CHST11: variants seen among roughly 807,000 people sequenced by gnomAD.
CHST11 encodes the protein C4S-1.
A neutral mutation model predicts 30.4 loss-of-function variants in CHST11; 9 were observed. That is an observed-to-expected ratio of 0.30 (90% CI 0.18 to 0.52). CHST11 has a LOEUF of 0.52. CHST11 is among the 20% of genes least tolerant of loss of function. The pLI is 0.97. For synonymous variants in CHST11, 152 were observed against 187.8 expected (o/e 0.81, Z 1.56); for missense variants, 348 against 460.6 (o/e 0.76, Z 2.24).
At chr12:104,611,609 C>T (rs1174964709) in intron 2 of CHST11, among the ~76,000 whole-genome samples, 1 of 152,164 alleles carries the variant, frequency 6.6e-6, no homozygotes, top group African/African-American at 2.4e-5. Flanking sequence ...CCTCATGTGA[C>T]TTCAGCATGG....
At chr12:104,483,073 C>G (rs1173748313) in intron 1 of CHST11, among the ~76,000 whole-genome samples, 1 of 152,126 alleles carries the variant, frequency 6.6e-6, no homozygotes. Context: ...ACCCACATGC[C>G]TCCTGGTGCA....
chr12:104,610,108 G>A (rs1325260003), intron 2 of CHST11, among the ~76,000 whole-genome samples: 3 of 148,408 alleles, frequency 2.0e-5, no homozygotes, highest in Non-Finnish European at 4.5e-5. Flanking sequence ...TGTGGTATGT[G>A]TTACATATAT....
At chr12:104,697,830 ACTTTT>A (rs1267605405) in intron 2 of CHST11, among the ~76,000 whole-genome samples, 2 of 152,330 alleles carry the variant, frequency 1.3e-5, no homozygotes, top group East Asian at 3.9e-4. Context: ...ACTCAGGAGC[ACTTTT>A]CTTTTCTTTT....
intron 2 of CHST11, among the ~76,000 whole-genome samples, chr12:104,635,086 C>G (rs2039310890): frequency 1.3e-5 from 1 of 76,158 alleles, no homozygotes; most frequent in African/African-American, 3.3e-5. Context: ...GAGTCCTGTC[C>G]TGCCCCCGTA....
At chr12:104,684,972 G>A (rs1305495240) in intron 2 of CHST11, among the ~76,000 whole-genome samples, 3 of 152,202 alleles carry the variant, frequency 2.0e-5, no homozygotes, top group Admixed American at 6.5e-5. Context: ...TGATTAAAGT[G>A]CAAGAGTAAG....
intron 1 of CHST11, among the ~76,000 whole-genome samples, chr12:104,592,818 A>G (rs921696673): frequency 6.6e-6 from 1 of 152,154 alleles, no homozygotes; most frequent in Non-Finnish European, 1.5e-5. Context: ...CAGGGATCTT[A>G]TACTTTCGGA....
intron 1 of CHST11, among the ~76,000 whole-genome samples, chr12:104,579,741 G>A (rs571987182): frequency 2.0e-5 from 3 of 152,300 alleles, no homozygotes; most frequent in Admixed American, 6.5e-5. Flanking sequence ...TCTGTTGCCC[G>A]CTCTAATTGT....
At chr12:104,539,088 T>A (rs2038264758) in intron 1 of CHST11, among the ~76,000 whole-genome samples, 1 of 152,210 alleles carries the variant, frequency 6.6e-6, no homozygotes, top group African/African-American at 2.4e-5. Context: ...GCAATAGGAT[T>A]TTGAAAGCAA....
chr12:104,614,067 CTA>C (rs775288618), intron 2 of CHST11, among the ~76,000 whole-genome samples: 7 of 152,160 alleles, frequency 4.6e-5, no homozygotes, highest in Non-Finnish European at 1.0e-4. Context: ...AAAATGATAA[CTA>C]TGTGAGGTGA....
At chr12:104,693,841 A>C (rs1396933758) in intron 2 of CHST11, among the ~76,000 whole-genome samples, 2 of 152,192 alleles carry the variant, frequency 1.3e-5, no homozygotes, top group African/African-American at 4.8e-5. Flanking sequence ...GGGCTCGGGC[A>C]CACCCCTACT....
intron 1 of CHST11, among the ~76,000 whole-genome samples, chr12:104,471,268 A>G (rs1000426454): frequency 5.3e-5 from 8 of 152,200 alleles, no homozygotes; most frequent in Admixed American, 2.0e-4. Flanking sequence ...AACATCTCCA[A>G]TAGAGCCTGG....
chr12:104,571,791 C>T (rs1265614306), intron 1 of CHST11, among the ~76,000 whole-genome samples: 3 of 152,134 alleles, frequency 2.0e-5, no homozygotes, highest in Non-Finnish European at 2.9e-5. Flanking sequence ...TGTCTTGTGC[C>T]GGTTTTCAAA....
chr12:104,759,322 T>A lies in CHST11; in HGVS notation c.*1519T>A, dbSNP rs1232870492. ...CTGGAAACTTTTCATTTCCTGTTCCTTGCTAATTAACATCTAAACATGCTT... is the reference window on the plus strand; with the variant it reads ...CTGGAAACTTTTCATTTCCTGTTCCATGCTAATTAACATCTAAACATGCTT... On this transcript the variant is annotated 3_prime_UTR_variant, in exon 3 of 3. Coordinates refer to ENST00000303694, the MANE Select transcript of CHST11 (RefSeq NM_018413.6). 1.3e-5 allele frequency: 2 copies of A among 152,190 alleles called. No homozygotes were observed. Among genetic ancestry groups the A allele is most frequent in the African/African-American group, 4.8e-5 (2 of 41,444 alleles). 9.4% of individuals were successfully genotyped at this position (152,190 alleles called of 1,614,324 possible).
At chr12:104,645,445 C>T (rs1364400599) in intron 2 of CHST11, among the ~76,000 whole-genome samples, 1 of 152,278 alleles carries the variant, frequency 6.6e-6, no homozygotes, top group East Asian at 1.9e-4. Context: ...GCTCAGGCCT[C>T]CTATTCTGCT....
intron 2 of CHST11, among the ~76,000 whole-genome samples, chr12:104,628,323 C>T (rs1463780374): frequency 6.6e-6 from 1 of 152,144 alleles, no homozygotes; most frequent in African/African-American, 2.4e-5. Flanking sequence ...CCACAGGGCT[C>T]GCTGACTGCA....
At chr12:104,596,208 T>C (rs2038905509) in intron 1 of CHST11, among the ~76,000 whole-genome samples, 1 of 152,200 alleles carries the variant, frequency 6.6e-6, no homozygotes, top group East Asian at 1.9e-4. Flanking sequence ...ACAGATGGGC[T>C]GGGCCACACT....
At chr12:104,636,417 C>T (rs2039323637) in intron 2 of CHST11, among the ~76,000 whole-genome samples, 1 of 152,212 alleles carries the variant, frequency 6.6e-6, no homozygotes, top group Admixed American at 6.5e-5. Flanking sequence ...CGTCTGTTCT[C>T]CATGTTCTCT....
At chr12:104,715,698 C>G (rs1343192326) in intron 2 of CHST11, among the ~76,000 whole-genome samples, 1 of 152,084 alleles carries the variant, frequency 6.6e-6, no homozygotes, top group Admixed American at 6.5e-5. Context: ...CAGGAGGGCC[C>G]CCACATGCAC....
intron 2 of CHST11, among the ~76,000 whole-genome samples, chr12:104,625,207 G>A (rs1175790758): frequency 1.3e-5 from 2 of 152,216 alleles, no homozygotes; most frequent in Non-Finnish European, 2.9e-5. Context: ...AACTGGAGAT[G>A]CCCCAGTGTT....
Sources: allele counts gnomAD v4.1 joint callset (sites outside exome capture counted in the v4.1 genomes callset), GRCh38; gene constraint gnomAD v4.1.1; transcripts MANE v1.5; gene names NCBI Gene and HGNC (gene_info 2026-07-23, HGNC 2026-07-21).